Variants in PTPRT observed in about 807,000 individuals in gnomAD.
PTPRT encodes protein tyrosine phosphatase receptor type T.
PTPRT carries 56 observed loss-of-function variants against 176.8 expected under a neutral mutation model. The ratio of observed to expected loss-of-function variants is 0.32; its 90% CI spans 0.26 to 0.40. PTPRT has a LOEUF of 0.40. PTPRT is among the 10% of genes least tolerant of loss of function. PTPRT has a pLI of 1.00. For synonymous variants in PTPRT, 783 were observed against 739.0 expected, an observed-to-expected ratio of 1.06 and a Z score of -0.96; for missense variants, 1,540 against 1,908.2, an observed-to-expected ratio of 0.81 and a Z score of 3.60.
chr20:42,720,255 T>C (rs1045101453), intron 6 of PTPRT, among the ~76,000 whole-genome samples: 2 of 152,190 alleles, frequency 1.3e-5, no homozygotes, highest in African/African-American at 4.8e-5. Flanking sequence ...ATAAATGATA[T>C]CATGTGTATC....
At position 42,413,890 on chromosome 20, in the gene PTPRT, A is replaced by T. The variant is rs185694429; in HGVS notation, c.1560+34330T>A. 6.6e-5 allele frequency among the ~76,000 whole-genome samples: 10 copies of T among 152,236 alleles called. No homozygotes were observed. In the East Asian group the frequency reaches 1.9e-3, roughly 29 times the overall value. ...GTTTGAGACAGAGTCTTGCTCTGTCACCCAGGTTGGAGTGCAGTGGCGCAA... is the reference window on the plus strand; with the variant it reads ...GTTTGAGACAGAGTCTTGCTCTGTCTCCCAGGTTGGAGTGCAGTGGCGCAA... On this transcript the variant is annotated intron_variant, in intron 9 of 30. Coordinates refer to ENST00000373187, the MANE Select transcript of PTPRT (RefSeq NM_007050.6).
intron 1 of PTPRT, among the ~76,000 whole-genome samples, chr20:42,974,422 C>T (rs1258669093): frequency 6.6e-6 from 1 of 152,002 alleles, no homozygotes; most frequent in Non-Finnish European, 1.5e-5. Flanking sequence ...TTCCCACTCT[C>T]CTCTCCAACT....
chr20:42,812,517 A>C (rs1463285102), intron 2 of PTPRT, among the ~76,000 whole-genome samples: 1 of 152,108 alleles, frequency 6.6e-6, no homozygotes, highest in African/African-American at 2.4e-5. Flanking sequence ...TTTTGGGAGG[A>C]TATGGAGCAA....
intron 12 of PTPRT, among the ~76,000 whole-genome samples, chr20:42,284,527 T>G (rs983493950): frequency 6.6e-6 from 1 of 152,078 alleles, no homozygotes; most frequent in African/African-American, 2.4e-5. Context: ...ATAATGCCAA[T>G]GGTAGAACCT....
intron 2 of PTPRT, among the ~76,000 whole-genome samples, chr20:42,797,183 CA>C (rs1342248238): frequency 6.6e-6 from 1 of 152,166 alleles, no homozygotes; most frequent in Non-Finnish European, 1.5e-5. Context: ...ATTGATAAGG[CA>C]TCAAGGTCCA....
intron 3 of PTPRT, among the ~76,000 whole-genome samples, chr20:42,790,002 A>G (rs2077349003): frequency 6.6e-6 from 1 of 152,200 alleles, no homozygotes; most frequent in South Asian, 2.1e-4. Flanking sequence ...ATTTCTCCAA[A>G]ATGCAGATCT....
At chr20:42,830,549 C>T (rs1009167134) in intron 2 of PTPRT, among the ~76,000 whole-genome samples, 13 of 152,182 alleles carry the variant, frequency 8.5e-5, no homozygotes, top group Admixed American at 8.5e-4. Context: ...AACAGGGATG[C>T]TCTCTCTCAC....
chr20:42,673,826 C>T (rs1035444209), intron 7 of PTPRT, among the ~76,000 whole-genome samples: 2 of 152,164 alleles, frequency 1.3e-5, no homozygotes, highest in African/African-American at 4.8e-5. Context: ...GTCGAGGGAC[C>T]ACACTTTGAG....
intron 6 of PTPRT, among the ~76,000 whole-genome samples, chr20:42,712,029 G>A (rs901230057): frequency 6.6e-6 from 1 of 152,098 alleles, no homozygotes; most frequent in African/African-American, 2.4e-5. Context: ...AAGCAGGGAT[G>A]TCACAAGAAT....
chr20:42,276,369 A>G (rs558380248), intron 13 of PTPRT, among the ~76,000 whole-genome samples: 1 of 150,218 alleles, frequency 6.7e-6, no homozygotes, highest in African/African-American at 2.4e-5. Flanking sequence ...GTAGAACTGT[A>G]CAAGCAGTGA....
At chr20:43,045,139 G>T (rs1221703710) in intron 1 of PTPRT, among the ~76,000 whole-genome samples, 1 of 152,232 alleles carries the variant, frequency 6.6e-6, no homozygotes, top group Non-Finnish European at 1.5e-5. Context: ...CAAATGTTGA[G>T]ATCCAGGAGG....
At chr20:42,723,521 G>A (rs1485612564) in intron 6 of PTPRT, among the ~76,000 whole-genome samples, 1 of 152,158 alleles carries the variant, frequency 6.6e-6, no homozygotes, top group Non-Finnish European at 1.5e-5. Context: ...GCCATGTTCA[G>A]TGCAGTTGTG....
At chr20:42,380,545 G>A (rs185319958) in intron 9 of PTPRT, among the ~76,000 whole-genome samples, 1 of 152,330 alleles carries the variant, frequency 6.6e-6, no homozygotes, top group East Asian at 1.9e-4. Flanking sequence ...CAGACATTGG[G>A]CCCCAATCGG....
intron 7 of PTPRT, among the ~76,000 whole-genome samples, chr20:42,648,546 G>A (rs1342795596): frequency 6.6e-6 from 1 of 152,048 alleles, no homozygotes; most frequent in Admixed American, 6.6e-5. Flanking sequence ...CTAGGCCCCC[G>A]AATGTGACTA....
chr20:42,054,625 A>T, the PTPRT span, among the ~76,000 whole-genome samples: 4 of 152,152 alleles, frequency 2.6e-5, no homozygotes, highest in African/African-American at 9.7e-5. Context: ...CTAAGGCAGC[A>T]AGGGAGTTAG....
At chr20:43,011,887 G>C (rs1423628798) in intron 1 of PTPRT, among the ~76,000 whole-genome samples, 1 of 152,170 alleles carries the variant, frequency 6.6e-6, no homozygotes, top group African/African-American at 2.4e-5. Flanking sequence ...TTGACTTGCT[G>C]AGTCTTCCGG....
chr20:42,604,222 G>A (rs1011574947), intron 7 of PTPRT, among the ~76,000 whole-genome samples: 20 of 152,032 alleles, frequency 1.3e-4, no homozygotes, highest in Admixed American at 3.3e-4. Flanking sequence ...TTGTCCCCCC[G>A]CTCTGCATTT....
intron 11 of PTPRT, among the ~76,000 whole-genome samples, chr20:42,332,412 G>A (rs6030144): frequency 0.026 from 3,887 of 151,972 alleles, 154 homozygotes; most frequent in African/African-American, 0.088. Context: ...GGGTTTTACC[G>A]TGTTAGCCAG....
intron 6 of PTPRT, among the ~76,000 whole-genome samples, chr20:42,717,167 C>T (rs1176308132): frequency 7.3e-6 from 1 of 136,314 alleles, no homozygotes; most frequent in Non-Finnish European, 1.5e-5. Context: ...GCACATGTAC[C>T]CTAAAACTTA....
Sources: gnomAD v4.1 joint callset for allele counts (sites outside exome capture counted in the v4.1 genomes callset) on GRCh38, gnomAD v4.1.1 for gene constraint, MANE v1.5 for transcripts, NCBI Gene and HGNC (gene_info 2026-07-23, HGNC 2026-07-21) for gene names.